Variants in RNF8 observed in about 807,000 individuals in gnomAD.
The protein encoded by RNF8 is ring finger protein 8.
Under a neutral mutation model 59.3 loss-of-function variants are expected in RNF8, and 8 were observed. The ratio of observed to expected loss-of-function variants is 0.13; its 90% CI spans 0.08 to 0.24. The LOEUF (loss-of-function observed/expected upper bound fraction) is 0.24, where lower values mean the gene tolerates loss of function less well. Ranked by LOEUF, RNF8 falls within the 10% of genes least tolerant of loss-of-function variation. The probability of loss-of-function intolerance (pLI) is 1.00; values close to 1 mark genes in which losing one functional copy is unlikely to be tolerated. For synonymous variants in RNF8, 162 were observed against 200.0 expected (o/e 0.81, Z 1.60); for missense variants, 406 against 572.6 (o/e 0.71, Z 2.97).
At chr6:37,357,669 T>G (rs2113813056) in intron 1 of RNF8, among the ~76,000 whole-genome samples, 1 of 152,366 alleles carries the variant, frequency 6.6e-6, no homozygotes, top group Admixed American at 6.5e-5. Context: ...TTGTGCTCAG[T>G]GTTGGTGGAG....
At chr6:37,356,992 G>A (rs1458475554) in intron 1 of RNF8, among the ~76,000 whole-genome samples, 1 of 152,232 alleles carries the variant, frequency 6.6e-6, no homozygotes, top group Non-Finnish European at 1.5e-5. Context: ...GCCCGCCTGG[G>A]CTTCCCAAAG....
intron 1 of RNF8, among the ~76,000 whole-genome samples, chr6:37,357,155 A>G (rs1226571341): frequency 1.3e-5 from 2 of 152,244 alleles, no homozygotes; most frequent in Admixed American, 6.5e-5. Context: ...TGTAAGCTCA[A>G]AGGCTTGCAA....
chr6:37,387,352 T>G (rs1184589921), intron 7 of RNF8, among the ~76,000 whole-genome samples: 2 of 152,164 alleles, frequency 1.3e-5, no homozygotes, highest in Non-Finnish European at 2.9e-5. Flanking sequence ...CTTGCTTCCT[T>G]TCTTCTGGGT....
intron 6 of RNF8, among the ~76,000 whole-genome samples, chr6:37,379,332 T>C (rs1440750735): frequency 6.6e-6 from 1 of 152,142 alleles, no homozygotes; most frequent in Non-Finnish European, 1.5e-5. Flanking sequence ...CAGATAGGTT[T>C]TCAGTACTGT....
intron 4 of RNF8, 49 bp from the exon 5 acceptor site, chr6:37,374,571 A>T: frequency 2.9e-6 from 4 of 1,373,244 alleles, no homozygotes; most frequent in Non-Finnish European, 4.2e-6. Flanking sequence ...GCTAAAAGGA[A>T]GGATGCATTG....
chr6:37,361,289 T>C (rs1303568748), intron 2 of RNF8: 3 of 454,688 alleles, frequency 6.6e-6, no homozygotes, highest in South Asian at 4.7e-5. Context: ...TATGCCATTC[T>C]GGTGTCTGCC....
intron 1 of RNF8, among the ~76,000 whole-genome samples, chr6:37,359,020 C>T (rs1272912155): frequency 5.9e-5 from 9 of 152,020 alleles, no homozygotes; most frequent in Admixed American, 2.6e-4. Flanking sequence ...TGCTTGAACC[C>T]GGGAGGCAGA....
At chr6:37,381,384 A>G (rs781669249) in intron 7 of RNF8, 30 bp downstream of exon 7, 4 of 1,581,858 alleles carry the variant, frequency 2.5e-6, no homozygotes, top group South Asian at 1.1e-5. Flanking sequence ...CCTACCCCTC[A>G]AGAAAGGACT....
intron 6 of RNF8, among the ~76,000 whole-genome samples, chr6:37,380,724 C>T (rs1230638873): frequency 1.3e-5 from 2 of 151,770 alleles, no homozygotes; most frequent in African/African-American, 4.8e-5. Flanking sequence ...CCTCTGTCAC[C>T]CTGGCCGGAG....
In RNF8 at chr6:37,376,953, A is replaced by C; in HGVS notation, c.1156A>C (p.Lys386Gln). ...KEEKEKMQAQKEEVLSHMNDV... is the reference protein window; with the variant it reads ...KEEKEKMQAQQEEVLSHMNDV... ...AGAGAAGGAGAAGATGCAAGCACAGAAGGAAGAAGTTCTTAGCCACATGAA... is the reference window on the plus strand; with the variant it reads ...AGAGAAGGAGAAGATGCAAGCACAGCAGGAAGAAGTTCTTAGCCACATGAA... Residue 386 changes from lysine to glutamine, a missense_variant, in exon 6 of 8, where the codon AAG (lysine) becomes CAG (glutamine). Physicochemically the swap from Lys to Gln is moderately conservative, Grantham distance 53 (BLOSUM62 1). This residue lies in a region of RNF8 where 285 missense variants were observed against 342.0 expected (regional missense o/e 0.83). Transcript: ENST00000373479. 1 of 1,613,506 alleles carries C rather than the reference A, an allele frequency of 6.2e-7. No homozygotes were observed. The highest frequency in any genetic ancestry group is 8.5e-7 in the Non-Finnish European group (1 of 1,179,494).
intron 7 of RNF8, among the ~76,000 whole-genome samples, chr6:37,382,200 A>G (rs979175132): frequency 7.9e-5 from 12 of 152,318 alleles, no homozygotes; most frequent in Admixed American, 3.3e-4. Context: ...AGGCAAGTAG[A>G]TAGTGTGATG....
At chr6:37,377,766 C>T (rs564575377) in intron 6 of RNF8, among the ~76,000 whole-genome samples, 119 of 152,238 alleles carry the variant, frequency 7.8e-4, no homozygotes, top group African/African-American at 9.4e-4. Flanking sequence ...ACCTTTTAAA[C>T]GAGGGGGTAA....
chr6:37,365,189 G>A (rs1043722762), intron 2 of RNF8, among the ~76,000 whole-genome samples: 1 of 152,270 alleles, frequency 6.6e-6, no homozygotes, highest in East Asian at 1.9e-4. Context: ...ACAAACTGCC[G>A]ATAATGCAAC....
Position 37,369,060 on chromosome 6 carries a change from G to A in RNF8, c.817G>A (p.Val273Met). 1 of 1,614,246 alleles carries A rather than the reference G, an allele frequency of 6.2e-7. No individual in the cohort carries two copies. Among genetic ancestry groups the A allele is most frequent in the Non-Finnish European group, 8.5e-7 (1 of 1,180,046 alleles). ...GGAAAAACATGAAGCCGTTATGAATGTGAAAAAGCAGACCCAAAAGGGGAA... is the reference window on the plus strand; with the variant it reads ...GGAAAAACATGAAGCCGTTATGAATATGAAAAAGCAGACCCAAAAGGGGAA... ...MQEKHEAVMNVKKQTQKGNSK... is the reference protein window; with the variant it reads ...MQEKHEAVMNMKKQTQKGNSK... Residue 273 changes from valine (V) to methionine (M), a missense_variant, in exon 3 of 8, where the codon GTG (valine) becomes ATG (methionine). Around this residue, in one of 3 missense-constraint regions of RNF8, gnomAD observed 285 missense variants for 342.0 expected, o/e 0.83. Coordinates refer to ENST00000373479, the MANE Select transcript of RNF8 (RefSeq NM_003958.4).
chr6:37,388,525 C>T, intron 7 of RNF8, among the ~76,000 whole-genome samples: 1 of 151,910 alleles, frequency 6.6e-6, no homozygotes, highest in Non-Finnish European at 1.5e-5. Context: ...GTATTAAGAG[C>T]CAAAGGGCAA....
rs977737096 is a variant in RNF8 at position 37,389,815 on chromosome 6, C to G, written c.1442-927C>G. 7.9e-5 allele frequency among the ~76,000 whole-genome samples: 12 copies of G among 152,120 alleles called. No homozygotes were observed. The East Asian group carries it at 9.6e-4, about 12-fold the overall frequency. Reference sequence around the variant, plus strand: ...GGCTGTTAGCTAAGAGGGAGGGAACCCTACTTGGTTCTCTCTCTCCAAGGC... The same window carrying G: ...GGCTGTTAGCTAAGAGGGAGGGAACGCTACTTGGTTCTCTCTCTCCAAGGC... On this transcript the variant is annotated intron_variant, in intron 7 of 7. Coordinates refer to ENST00000373479, the MANE Select transcript of RNF8 (RefSeq NM_003958.4).
chr6:37,364,104 G>C (rs1769448777), intron 2 of RNF8, among the ~76,000 whole-genome samples: 1 of 151,430 alleles, frequency 6.6e-6, no homozygotes, highest in South Asian at 2.1e-4. Flanking sequence ...GCATGAACCT[G>C]GGAGGCGGAG....
chr6:37,361,506 T>C (rs1769323184), intron 2 of RNF8: 2 of 364,302 alleles, frequency 5.5e-6, no homozygotes, highest in Non-Finnish European at 5.4e-6. Context: ...AGAAGATACC[T>C]AAAGTGCAGA....
chr6:37,385,083 G>A (rs932684911), intron 7 of RNF8, among the ~76,000 whole-genome samples: 14 of 151,480 alleles, frequency 9.2e-5, no homozygotes, highest in Middle Eastern at 3.2e-3. Context: ...GCGCGATCTC[G>A]GCTTACCACA....
Sources: gnomAD v4.1 joint callset for allele counts (sites outside exome capture counted in the v4.1 genomes callset) on GRCh38, gnomAD v4.1.1 for gene constraint, gnomAD v4.1.1 regional missense constraint, MANE v1.5 for transcripts, NCBI Gene and HGNC (gene_info 2026-07-23, HGNC 2026-07-21) for gene names.